The following RTL4 variants were observed in gnomAD, a reference collection of about 807,000 sequenced individuals.
The protein encoded by RTL4 is retrotransposon Gag like 4, also known as retrotransposon Gag-like protein 4.
RTL4 carries 4 observed loss-of-function variants against 5.3 expected under a neutral mutation model. The ratio of observed to expected loss-of-function variants is 0.75; its 90% CI spans 0.37 to 1.72. The LOEUF is 1.72. Ranked by LOEUF, RTL4 falls within the 40% of genes most tolerant of loss-of-function variation. The pLI, the probability that RTL4 is intolerant of heterozygous loss-of-function variation, is 0.04. For synonymous variants in RTL4, 98 were observed against 87.3 expected (o/e 1.12, Z -0.68); for missense variants, 260 against 227.1 (o/e 1.14, Z -0.93).
the RTL4 span, among the ~76,000 whole-genome samples, chrX:112,177,847 C>G: frequency 6.5e-4 from 72 of 110,919 alleles, no homozygotes; most frequent in African/African-American, 2.4e-3. Context: ...ATATTTCAGA[C>G]TTTATGGGCC....
chrX:112,105,785 C>T, the RTL4 span, among the ~76,000 whole-genome samples: 1 of 111,349 alleles, frequency 9.0e-6, no homozygotes, highest in Non-Finnish European at 1.9e-5. Context: ...TTGGTGGAGT[C>T]TTTAGAGTTT....
At chrX:112,451,762 G>A (rs1247381344), upstream of RTL4, among the ~76,000 whole-genome samples, 2 of 111,478 alleles carry the variant, frequency 1.8e-5, no homozygotes, top group Admixed American at 9.5e-5. Flanking sequence ...GAAGGACAAT[G>A]TGGGCTCTTT....
At chrX:112,310,643 T>G in the RTL4 span, among the ~76,000 whole-genome samples, 1 of 63,647 alleles carries the variant, frequency 1.6e-5, no homozygotes, top group African/African-American at 6.9e-5. Context: ...ATATATTATA[T>G]ATATTTATAT....
At chrX:112,121,122 G>A in the RTL4 span, among the ~76,000 whole-genome samples, 1 of 111,754 alleles carries the variant, frequency 8.9e-6, no homozygotes, top group Non-Finnish European at 1.9e-5. Flanking sequence ...ACCTGCACAT[G>A]TACCCCTGAA....
chrX:112,119,689 C>A, the RTL4 span, among the ~76,000 whole-genome samples: 1 of 111,664 alleles, frequency 9.0e-6, no homozygotes, highest in Non-Finnish European at 1.9e-5. Flanking sequence ...GCAAAGCATT[C>A]TGTGGAGTCT....
the RTL4 span, among the ~76,000 whole-genome samples, chrX:112,431,754 A>C: frequency 2.8e-5 from 3 of 108,574 alleles, no homozygotes; most frequent in Non-Finnish European, 5.7e-5. Flanking sequence ...TTGTATGTTA[A>C]GTTTTAGGGT....
chrX:112,274,334 G>A, the RTL4 span, among the ~76,000 whole-genome samples: 2 of 111,959 alleles, frequency 1.8e-5, no homozygotes, highest in East Asian at 5.6e-4. Flanking sequence ...GCTATTTCCT[G>A]TGGAAATCTG....
At chrX:112,114,830 A>G in the RTL4 span, among the ~76,000 whole-genome samples, 1 of 111,453 alleles carries the variant, frequency 9.0e-6, no homozygotes, top group East Asian at 2.8e-4. Flanking sequence ...TCCTTCAATG[A>G]AAAGAAAGCT....
the RTL4 span, among the ~76,000 whole-genome samples, chrX:112,392,785 T>C: frequency 2.7e-5 from 3 of 111,401 alleles, no homozygotes; most frequent in African/African-American, 6.5e-5. Context: ...AGTTAGGAAG[T>C]CTCACCCAGA....
At chrX:112,237,120 C>A in the RTL4 span, among the ~76,000 whole-genome samples, 1 of 111,879 alleles carries the variant, frequency 8.9e-6, no homozygotes, top group African/African-American at 3.3e-5. Context: ...AATTAAATGG[C>A]CCCTAATAAA....
upstream of RTL4, among the ~76,000 whole-genome samples, chrX:112,451,894 T>C (rs759396472): frequency 2.6e-4 from 29 of 111,320 alleles, no homozygotes; most frequent in Non-Finnish European, 4.9e-4. Flanking sequence ...CTAATAATGT[T>C]TTATTCTTTG....
chrX:112,350,794 T>G, the RTL4 span, among the ~76,000 whole-genome samples: 699 of 111,453 alleles, frequency 6.3e-3, 10 homozygotes, highest in African/African-American at 0.022. Flanking sequence ...TCTATCAATT[T>G]TGTTGATCTT....
upstream of RTL4, among the ~76,000 whole-genome samples, chrX:112,451,022 T>C (rs991686382): frequency 3.9e-4 from 44 of 112,014 alleles, no homozygotes; most frequent in African/African-American, 1.4e-3. Context: ...AGACATTTTT[T>C]TTCCCTACAG....
At chrX:112,154,826 G>A in the RTL4 span, among the ~76,000 whole-genome samples, 151 of 111,634 alleles carry the variant, frequency 1.4e-3, no homozygotes, top group African/African-American at 4.7e-3. Flanking sequence ...CAAGCACACA[G>A]TCCTAGCCAT....
chrX:112,218,433 C>G, the RTL4 span, among the ~76,000 whole-genome samples: 1 of 112,132 alleles, frequency 8.9e-6, no homozygotes, highest in Non-Finnish European at 1.9e-5. Flanking sequence ...TCCATAGGCT[C>G]TCTCCTTGAA....
chrX:112,306,519 A>G, the RTL4 span, among the ~76,000 whole-genome samples: 1 of 111,831 alleles, frequency 8.9e-6, no homozygotes, highest in Admixed American at 9.6e-5. Context: ...GAGGTCACAC[A>G]GGTAACTGGA....
chrX:112,115,643 A>AC, the RTL4 span, among the ~76,000 whole-genome samples: 46 of 109,993 alleles, frequency 4.2e-4, 1 homozygote, highest in South Asian at 0.013. Flanking sequence ...CCCTGCCCCC[A>AC]CCCCCCCGAC....
At chrX:112,352,236 T>C in the RTL4 span, among the ~76,000 whole-genome samples, 1 of 110,723 alleles carries the variant, frequency 9.0e-6, no homozygotes, top group Non-Finnish European at 1.9e-5. Context: ...CTGAGAGATC[T>C]GCTGTTAGTC....
chrX:112,190,989 G>A, the RTL4 span, among the ~76,000 whole-genome samples: 1 of 112,280 alleles, frequency 8.9e-6, no homozygotes. Flanking sequence ...TATACTCTAA[G>A]AATGGACTGA....
Sources: allele counts gnomAD v4.1 joint callset (sites outside exome capture counted in the v4.1 genomes callset), GRCh38; gene constraint gnomAD v4.1.1; transcripts MANE v1.5; gene names NCBI Gene and HGNC (gene_info 2026-07-23, HGNC 2026-07-21).